CTNND2: variants seen among roughly 807,000 people sequenced by gnomAD.
CTNND2 encodes the protein catenin delta-2.
A neutral mutation model predicts 144.4 loss-of-function variants in CTNND2; 22 were observed. That is an observed-to-expected ratio of 0.15 (90% CI 0.11 to 0.22). The LOEUF (loss-of-function observed/expected upper bound fraction) is 0.22, where lower values mean the gene tolerates loss of function less well. CTNND2 is among the 10% of genes least tolerant of loss of function. The pLI is 1.00. For synonymous variants in CTNND2, 751 were observed against 695.6 expected, an observed-to-expected ratio of 1.08 and a Z score of -1.25; for missense variants, 1,353 against 1,618.8, an observed-to-expected ratio of 0.84 and a Z score of 2.82.
chr5:11,144,531 G>T lies in CTNND2; in HGVS notation c.2159+15045C>A, dbSNP rs186731079. Among the ~76,000 whole-genome samples the T allele has an allele frequency of 2.7e-4, 41 of 152,278 alleles. No individual in the cohort carries two copies. The East Asian group carries it at 7.0e-3, about 26-fold the overall frequency. On this transcript the variant is annotated intron_variant, in intron 12 of 21. Transcript: ENST00000304623. The stretch of plus-strand genomic sequence containing the variant: ...CTCCTTGTCTCCTGGGGCACAAAGG[G>T]CTGAGTGAGTCAGGGTAAGGGTTAC...
intron 7 of CTNND2, among the ~76,000 whole-genome samples, chr5:11,371,465 T>C (rs546828236): frequency 1.3e-5 from 2 of 152,210 alleles, no homozygotes; most frequent in African/African-American, 2.4e-5. Context: ...TTAAGAAAGG[T>C]GTGCCTCAAA....
chr5:11,475,369 A>C (rs1767627035), intron 3 of CTNND2, among the ~76,000 whole-genome samples: 1 of 152,216 alleles, frequency 6.6e-6, no homozygotes, highest in South Asian at 2.1e-4. Flanking sequence ...AACTCCCTAA[A>C]AGTGAACAAT....
rs370769088 is a variant in CTNND2, at chr5:11,181,712, T to C, written c.1975+17736A>G. ...GTGGTGTGTGTGTGGTGTATGCGTG[T>C]GGTGTGTGTGTGTGTTATGTGTGGC... On this transcript the variant is annotated intron_variant, in intron 11 of 21. Coordinates refer to ENST00000304623, the MANE Select transcript of CTNND2 (RefSeq NM_001332.4). Among the ~76,000 whole-genome samples the C allele has an allele frequency of 1.7e-3, 251 of 147,038 alleles. 2 individuals are homozygous for C. Among genetic ancestry groups the C allele is most frequent in the African/African-American group, 5.9e-3 (231 of 39,420 alleles).
chr5:11,000,010 G>A lies in CTNND2; in HGVS notation c.3085-7333C>T, dbSNP rs189403642. Among the ~76,000 whole-genome samples the A allele has an allele frequency of 9.8e-5, 15 of 152,328 alleles. No individual in the cohort carries two copies. In the East Asian group the frequency reaches 2.7e-3, roughly 27 times the overall value. On this transcript the variant is annotated intron_variant, in intron 18 of 21. Coordinates refer to ENST00000304623, the MANE Select transcript of CTNND2 (RefSeq NM_001332.4). ...GGTATTTCTAGGACGTGGTCAGTCT[G>A]TTTAGTTGATACAGGTCTTCTTTTT...
intron 3 of CTNND2, among the ~76,000 whole-genome samples, chr5:11,435,829 G>A (rs568960804): frequency 6.6e-6 from 1 of 152,316 alleles, no homozygotes; most frequent in African/African-American, 2.4e-5. Flanking sequence ...CTTTTTTACA[G>A]GATGATTTTT....
intron 1 of CTNND2, among the ~76,000 whole-genome samples, chr5:11,777,785 T>C (rs1428741805): frequency 6.6e-6 from 1 of 152,114 alleles, no homozygotes; most frequent in Non-Finnish European, 1.5e-5. Context: ...TGGTAAAAAA[T>C]ACAACTCTCC....
At chr5:11,208,121 T>C (rs1738242349) in intron 10 of CTNND2, among the ~76,000 whole-genome samples, 1 of 152,132 alleles carries the variant, frequency 6.6e-6, no homozygotes, top group Admixed American at 6.5e-5. Flanking sequence ...AGCAACATGG[T>C]ATAGAAAATA....
At chr5:11,541,543 G>A (rs1253934402) in intron 3 of CTNND2, among the ~76,000 whole-genome samples, 1 of 152,122 alleles carries the variant, frequency 6.6e-6, no homozygotes, top group Non-Finnish European at 1.5e-5. Context: ...AGCCTGTAGG[G>A]ATCAGAGGAA....
chr5:11,068,391 A>G (rs954112374), intron 16 of CTNND2, among the ~76,000 whole-genome samples: 3 of 152,220 alleles, frequency 2.0e-5, no homozygotes, highest in Non-Finnish European at 1.5e-5. Flanking sequence ...TTTGCAGAGT[A>G]AAAATAAAGC....
Position 11,904,312 on chromosome 5 carries a change from C to A in CTNND2, c.-459G>T, listed in dbSNP as rs973126752. The stretch of plus-strand genomic sequence containing the variant: ...CGGCCCGCGCCACCTGTGCCGCCGC[C>A]GCCTCAGCCGCCGAGGGCGAGGCTC... On this transcript the variant is annotated 5_prime_UTR_variant, in exon 1 of 22. Coordinates refer to ENST00000304623, the MANE Select transcript of CTNND2 (RefSeq NM_001332.4). This position sits in a 1 kb window ranked among gnomAD's most constrained non-coding sequence, Gnocchi z 4.2. 6.8e-6 allele frequency among the ~76,000 whole-genome samples: 1 copy of A among 148,094 alleles called. No individual in the cohort carries two copies. Among genetic ancestry groups the A allele is most frequent in the Non-Finnish European group, 1.5e-5 (1 of 66,678 alleles).
intron 3 of CTNND2, among the ~76,000 whole-genome samples, chr5:11,539,378 C>T (rs2150067069): frequency 6.6e-6 from 1 of 152,292 alleles, no homozygotes; most frequent in Admixed American, 6.5e-5. Flanking sequence ...TTTGTGAGTT[C>T]CATCCCATAA....
intron 14 of CTNND2, among the ~76,000 whole-genome samples, chr5:11,099,799 G>GA (rs901959032): frequency 4.6e-5 from 7 of 151,762 alleles, no homozygotes; most frequent in African/African-American, 1.7e-4. Context: ...TATGCTTTTA[G>GA]AAAAAAATAC....
At chr5:11,857,231 G>A (rs1286148076) in intron 1 of CTNND2, among the ~76,000 whole-genome samples, 1 of 152,164 alleles carries the variant, frequency 6.6e-6, no homozygotes, top group East Asian at 1.9e-4. Context: ...TCCTCCCTAT[G>A]GAGCAAACGT....
chr5:11,308,287 T>C (rs1750464054), intron 9 of CTNND2, among the ~76,000 whole-genome samples: 1 of 152,038 alleles, frequency 6.6e-6, no homozygotes, highest in Non-Finnish European at 1.5e-5. Context: ...ATGTATCACA[T>C]AGTGATTTAG....
At chr5:11,231,186 G>C (rs184362241) in intron 10 of CTNND2, among the ~76,000 whole-genome samples, 1 of 152,164 alleles carries the variant, frequency 6.6e-6, no homozygotes, top group African/African-American at 2.4e-5. Flanking sequence ...TAAGTTTTCT[G>C]AGGCATCTCC....
chr5:10,972,225 T>A lies in CTNND2; in HGVS notation c.*1228A>T, dbSNP rs868394291. On this transcript the variant is annotated 3_prime_UTR_variant, in exon 22 of 22. Coordinates refer to ENST00000304623, the MANE Select transcript of CTNND2 (RefSeq NM_001332.4). ...TGTAGAGAGGGTTGATATCCAAGTA[T>A]GCGTGAATGTGTGAAAATCCTATAA... is the stretch of plus-strand genomic sequence containing the variant. 2 of 152,646 alleles carry A rather than the reference T, an allele frequency of 1.3e-5. No individual in the cohort carries two copies. The highest frequency in any genetic ancestry group is 6.5e-5 in the Admixed American group (1 of 15,284). The allele number at this position is 152,646 out of a possible 1,614,324, so 9.5% of individuals were successfully genotyped here. A position where few individuals can be genotyped will look rare whatever the true frequency, so the allele number is the denominator to read the frequency against.
At chr5:11,489,116 G>T (rs117403050) in intron 3 of CTNND2, among the ~76,000 whole-genome samples, 1 of 152,270 alleles carries the variant, frequency 6.6e-6, no homozygotes, top group East Asian at 1.9e-4. Context: ...ATATTTATAT[G>T]AAATTGCCAA....
chr5:11,144,604 T>C (rs1757067972), intron 12 of CTNND2, among the ~76,000 whole-genome samples: 1 of 152,180 alleles, frequency 6.6e-6, no homozygotes, highest in South Asian at 2.1e-4. Context: ...GTCTACCTTT[T>C]GGTCCACAGA....
intron 10 of CTNND2, among the ~76,000 whole-genome samples, chr5:11,233,711 C>CGTGT (rs1376083548): frequency 1.8e-5 from 2 of 111,846 alleles, no homozygotes; most frequent in South Asian, 6.4e-4. Context: ...TTAGAGTTTA[C>CGTGT]GTGTCTGTGT....
Sources: gnomAD v4.1 joint callset for allele counts (sites outside exome capture counted in the v4.1 genomes callset) on GRCh38, gnomAD v4.1.1 for gene constraint, Gnocchi (gnomAD v3.1) non-coding constraint, MANE v1.5 for transcripts, NCBI Gene and HGNC (gene_info 2026-07-23, HGNC 2026-07-21) for gene names.